Variants in PTER observed in about 807,000 individuals in gnomAD.
The protein encoded by PTER is phosphotriesterase related.
PTER carries 38 observed loss-of-function variants against 29.6 expected under a neutral mutation model. The ratio of observed to expected loss-of-function variants is 1.28; its 90% CI spans 0.99 to 1.68. The LOEUF (loss-of-function observed/expected upper bound fraction) is 1.68. PTER is among the 40% of genes most tolerant of loss of function. The pLI is 0.00. For synonymous variants in PTER, 172 were observed against 154.5 expected (o/e 1.11, Z -0.84); for missense variants, 482 against 427.8 (o/e 1.13, Z -1.12).
chr10:16,497,738 C>A (rs151161374), intron 3 of PTER, among the ~76,000 whole-genome samples: 1 of 152,288 alleles, frequency 6.6e-6, no homozygotes, highest in Non-Finnish European at 1.5e-5. Context: ...ATGCAGACTT[C>A]CTTTCTCCCA....
At chr10:16,472,035 A>G (rs531422610) in intron 1 of PTER, among the ~76,000 whole-genome samples, 1 of 152,318 alleles carries the variant, frequency 6.6e-6, no homozygotes, top group South Asian at 2.1e-4. Context: ...AAATGAGTCA[A>G]TGAACGGGCT....
At chr10:16,443,205 C>A (rs11253992) in intron 1 of PTER, among the ~76,000 whole-genome samples, 37,688 of 152,066 alleles carry the variant, frequency 0.25, 4,775 homozygotes, top group Middle Eastern at 0.38. Flanking sequence ...CTTCTGAGGT[C>A]TCTCTCTTTG....
At position 16,477,303 on chromosome 10, in the gene PTER, G is replaced by T. The variant is rs201389431; in HGVS notation, c.-48-7034G>T. Among the ~76,000 whole-genome samples the T allele has an allele frequency of 6.0e-3, 840 of 140,194 alleles. 7 individuals are homozygous for T. Among genetic ancestry groups the T allele is most frequent in the African/African-American group, 0.021 (705 of 33,058 alleles). 92.0% of individuals were successfully genotyped at this position (140,194 alleles called of 152,430 possible). On this transcript the variant is annotated intron_variant, in intron 1 of 4. Transcript: ENST00000535784. Reference sequence around the variant, plus strand: ...AGATAGATAGATAGATAGATAGATGGATGTCTGTCTGTCTGCACATGCATG... The same window carrying T: ...AGATAGATAGATAGATAGATAGATGTATGTCTGTCTGTCTGCACATGCATG...
intron 1 of PTER, among the ~76,000 whole-genome samples, chr10:16,473,729 A>G (rs1057143765): frequency 1.3e-5 from 2 of 152,144 alleles, no homozygotes; most frequent in Non-Finnish European, 2.9e-5. Flanking sequence ...TTTGTCATGA[A>G]GCTGCTGAAA....
At chr10:16,473,438 T>G (rs533502875) in intron 1 of PTER, among the ~76,000 whole-genome samples, 36 of 142,918 alleles carry the variant, frequency 2.5e-4, no homozygotes, top group African/African-American at 9.0e-4. Context: ...TCCTAGCGCT[T>G]GAACCCGGGA....
At chr10:16,444,568 T>G (rs1233164391) in intron 1 of PTER, among the ~76,000 whole-genome samples, 2 of 150,274 alleles carry the variant, frequency 1.3e-5, no homozygotes, top group African/African-American at 5.0e-5. Context: ...TTAAAAACAT[T>G]TTTTTTTAGA....
At chr10:16,469,880 GTTTT>G (rs11452216) in intron 1 of PTER, among the ~76,000 whole-genome samples, 1 of 145,664 alleles carries the variant, frequency 6.9e-6, no homozygotes, top group Non-Finnish European at 1.5e-5. Flanking sequence ...GTGCCTGGCT[GTTTT>G]TTTTGTTTGT....
intron 3 of PTER, among the ~76,000 whole-genome samples, chr10:16,503,499 G>A (rs1041935003): frequency 3.3e-5 from 5 of 152,150 alleles, no homozygotes; most frequent in African/African-American, 1.2e-4. Flanking sequence ...CCGTCTCCCA[G>A]GTTCAAGCAA....
At chr10:16,440,438 A>G (rs1442080549) in intron 1 of PTER, among the ~76,000 whole-genome samples, 3 of 152,218 alleles carry the variant, frequency 2.0e-5, no homozygotes, top group African/African-American at 7.2e-5. Context: ...AAGAAAAATA[A>G]AATATCTGGT....
intron 4 of PTER, among the ~76,000 whole-genome samples, chr10:16,508,589 C>G (rs1165566351): frequency 2.6e-5 from 4 of 152,138 alleles, no homozygotes; most frequent in Non-Finnish European, 4.4e-5. Flanking sequence ...AGCATTCCTT[C>G]TTAGCTCCTT....
intron 1 of PTER, among the ~76,000 whole-genome samples, chr10:16,446,139 C>A (rs1834003531): frequency 6.6e-6 from 1 of 152,060 alleles, no homozygotes; most frequent in Non-Finnish European, 1.5e-5. Context: ...TGACTTGCAA[C>A]CATAGTTGAT....
At chr10:16,453,627 T>G (rs1271029969) in intron 1 of PTER, among the ~76,000 whole-genome samples, 1 of 152,238 alleles carries the variant, frequency 6.6e-6, no homozygotes, top group Non-Finnish European at 1.5e-5. Flanking sequence ...ATCTGTTGTT[T>G]ATACTAAGTT....
At chr10:16,457,736 A>G (rs532626299) in intron 1 of PTER, among the ~76,000 whole-genome samples, 6 of 152,042 alleles carry the variant, frequency 3.9e-5, no homozygotes, top group Admixed American at 3.3e-4. Flanking sequence ...AGAAACTGGC[A>G]CTACAGGTGC....
At chr10:16,504,479 G>A (rs1364219768) in intron 3 of PTER, among the ~76,000 whole-genome samples, 1 of 152,164 alleles carries the variant, frequency 6.6e-6, no homozygotes, top group African/African-American at 2.4e-5. Flanking sequence ...ATGTGGGAAT[G>A]ATATTCTTTA....
At chr10:16,506,870 G>A (rs1030201014) in intron 4 of PTER, among the ~76,000 whole-genome samples, 11 of 152,038 alleles carry the variant, frequency 7.2e-5, no homozygotes, top group African/African-American at 2.7e-4. Context: ...TGTTATGTGC[G>A]AGACCTAGTT....
At chr10:16,477,785 A>T (rs141191314) in intron 1 of PTER, among the ~76,000 whole-genome samples, 1 of 152,228 alleles carries the variant, frequency 6.6e-6, no homozygotes, top group Non-Finnish European at 1.5e-5. Context: ...TGAGAGGAAT[A>T]TAGATATTTT....
intron 1 of PTER, among the ~76,000 whole-genome samples, chr10:16,476,545 C>T (rs1462996537): frequency 6.6e-6 from 1 of 151,994 alleles, no homozygotes; most frequent in Non-Finnish European, 1.5e-5. Flanking sequence ...ACACTGGAGC[C>T]AAGACTCCAA....
At chr10:16,492,477 C>A (rs1481828545) in intron 3 of PTER, among the ~76,000 whole-genome samples, 2 of 152,176 alleles carry the variant, frequency 1.3e-5, no homozygotes, top group Admixed American at 6.6e-5. Flanking sequence ...AAAAACAACA[C>A]CCCACATATA....
At chr10:16,445,219 G>A (rs565441917) in intron 1 of PTER, among the ~76,000 whole-genome samples, 2 of 152,288 alleles carry the variant, frequency 1.3e-5, no homozygotes, top group South Asian at 2.1e-4. Context: ...ATATTAAGTC[G>A]AGTATGGTTT....
Sources: gnomAD v4.1 joint callset for allele counts (sites outside exome capture counted in the v4.1 genomes callset) on GRCh38, gnomAD v4.1.1 for gene constraint, MANE v1.5 for transcripts, NCBI Gene and HGNC (gene_info 2026-07-23, HGNC 2026-07-21) for gene names.